The following THOC1 variants were observed in gnomAD, a reference collection of about 807,000 sequenced individuals.
THOC1 encodes THO complex 1.
THOC1 carries 29 observed loss-of-function variants against 97.3 expected under a neutral mutation model. The observed-to-expected ratio is 0.30, with a 90% CI of 0.22 to 0.41. The LOEUF is 0.41. THOC1 is among the 10% of genes least tolerant of loss of function. The pLI is 1.00. For synonymous variants in THOC1, 255 were observed against 257.0 expected (o/e 0.99, Z 0.07); for missense variants, 529 against 761.9 (o/e 0.69, Z 3.60).
chr18:238,718 T>A (rs1033801963), intron 11 of THOC1, among the ~76,000 whole-genome samples: 1 of 152,234 alleles, frequency 6.6e-6, no homozygotes, highest in Non-Finnish European at 1.5e-5. Context: ...ATGTGGTTGT[T>A]ATGTGGTGCC....
At chr18:236,933 A>G (rs1911723230) in intron 11 of THOC1, among the ~76,000 whole-genome samples, 1 of 151,696 alleles carries the variant, frequency 6.6e-6, no homozygotes, top group African/African-American at 2.4e-5. Flanking sequence ...TGTGACTGTT[A>G]GGCTTTTTTT....
chr18:247,693 T>C (rs1912141130), intron 10 of THOC1, among the ~76,000 whole-genome samples, 156 bp downstream of exon 10: 1 of 152,252 alleles, frequency 6.6e-6, no homozygotes, highest in Non-Finnish European at 1.5e-5. Flanking sequence ...ATTAGTGGTT[T>C]AAATATTAAT....
chr18:266,407 G>A (rs1233680329), intron 1 of THOC1, among the ~76,000 whole-genome samples: 1 of 152,136 alleles, frequency 6.6e-6, no homozygotes, highest in Non-Finnish European at 1.5e-5. Context: ...CATCACCTAG[G>A]AAGCTGGTAG....
chr18:252,754 T>G, intron 8 of THOC1, 142 bp from the exon 9 acceptor site: 1 of 675,224 alleles, frequency 1.5e-6, no homozygotes, highest in Non-Finnish European at 2.6e-6. Context: ...AGACCTATAG[T>G]TAATCTGTAA....
chr18:217,184 A>G (rs1910922437), intron 18 of THOC1, among the ~76,000 whole-genome samples: 1 of 152,218 alleles, frequency 6.6e-6, no homozygotes, highest in Admixed American at 6.5e-5. Flanking sequence ...AAGAATAGCA[A>G]TTTGGTTTAT....
At chr18:241,702 T>C (rs1172831529) in intron 11 of THOC1, among the ~76,000 whole-genome samples, 1 of 152,230 alleles carries the variant, frequency 6.6e-6, no homozygotes, top group Non-Finnish European at 1.5e-5. Flanking sequence ...CAAAAATATA[T>C]TCCTTTAACC....
At chr18:252,407 A>G (rs1364586482) in intron 9 of THOC1, 132 bp downstream of exon 9, 13 of 704,194 alleles carry the variant, frequency 1.8e-5, no homozygotes, top group Non-Finnish European at 2.9e-5. Context: ...AGTAATATAC[A>G]TGAAAATTAC....
At chr18:231,958 G>C (rs1177472825) in intron 11 of THOC1, among the ~76,000 whole-genome samples, 1 of 152,176 alleles carries the variant, frequency 6.6e-6, no homozygotes, top group Non-Finnish European at 1.5e-5. Context: ...AATCTTTTAA[G>C]GACCAGCCAG....
At chr18:249,984 G>C (rs1912228767) in intron 9 of THOC1, among the ~76,000 whole-genome samples, 1 of 152,014 alleles carries the variant, frequency 6.6e-6, no homozygotes, top group African/African-American at 2.4e-5. Context: ...GTCCCTTTTT[G>C]TCTCAATTGC....
chr18:231,389 TG>T (rs1273854696), intron 11 of THOC1, among the ~76,000 whole-genome samples: 3 of 152,344 alleles, frequency 2.0e-5, no homozygotes, highest in African/African-American at 7.2e-5. Flanking sequence ...ATAATATTCC[TG>T]GGTAAAATTA....
At chr18:267,003 G>A (rs181812262) in intron 1 of THOC1, among the ~76,000 whole-genome samples, 60 of 98,104 alleles carry the variant, frequency 6.1e-4, no homozygotes, top group African/African-American at 2.2e-3. Flanking sequence ...TATATTATAC[G>A]TATACGTATA....
chr18:258,696 G>A (rs966523145), intron 7 of THOC1, among the ~76,000 whole-genome samples: 1 of 152,116 alleles, frequency 6.6e-6, no homozygotes, highest in Non-Finnish European at 1.5e-5. Flanking sequence ...GAAGGCTCTG[G>A]AGGACAAGCA....
intron 11 of THOC1, among the ~76,000 whole-genome samples, chr18:232,854 A>G (rs1010205044): frequency 6.6e-6 from 1 of 152,094 alleles, no homozygotes; most frequent in African/African-American, 2.4e-5. Context: ...CTCATTCACT[A>G]TTCAGTTTTC....
At chr18:236,605 C>T (rs1009043980) in intron 11 of THOC1, among the ~76,000 whole-genome samples, 2 of 151,904 alleles carry the variant, frequency 1.3e-5, no homozygotes, top group Admixed American at 6.6e-5. Flanking sequence ...CCTCGTGATC[C>T]GCCCGCCTCG....
chr18:225,473 C>T (rs1911248403), intron 12 of THOC1, 70 bp from the exon 13 acceptor site: 2 of 1,299,462 alleles, frequency 1.5e-6, no homozygotes, highest in Admixed American at 2.0e-5. Flanking sequence ...GTTTAAAAAA[C>T]ACAAGGCATG....
At chr18:238,455 T>C (rs539065342) in intron 11 of THOC1, among the ~76,000 whole-genome samples, 4 of 152,180 alleles carry the variant, frequency 2.6e-5, no homozygotes, top group South Asian at 2.1e-4. Context: ...AATTTCCCCA[T>C]TGTGTGAATA....
chr18:264,786 G>C lies in THOC1; in HGVS notation c.189+517C>G, dbSNP rs373240660. Among the ~76,000 whole-genome samples the C allele has an allele frequency of 1.5e-4, 23 of 152,308 alleles. No homozygotes were observed. In the East Asian group the frequency reaches 2.9e-3, roughly 19 times the overall value. On this transcript the variant is annotated intron_variant, in intron 3 of 20. Transcript: ENST00000261600. Reference sequence around the variant, plus strand: ...ACCTTTGCTTGACCAAGAATAAACTGTTGAAACTTTTCCTTTCATTCAGGT... The same window carrying C: ...ACCTTTGCTTGACCAAGAATAAACTCTTGAAACTTTTCCTTTCATTCAGGT...
intron 5 of THOC1, 95 bp from the exon 6 acceptor site, chr18:259,825 A>C: frequency 1.2e-6 from 1 of 836,184 alleles, no homozygotes; most frequent in Non-Finnish European, 1.8e-6. Flanking sequence ...GAACACTAAC[A>C]TGCACTGAGA....
intron 7 of THOC1, among the ~76,000 whole-genome samples, chr18:257,060 C>T (rs1912460006): frequency 6.6e-6 from 1 of 152,146 alleles, no homozygotes; most frequent in South Asian, 2.1e-4. Context: ...GATGCTATTG[C>T]ATACTTAATA....
Sources: gnomAD v4.1 joint callset for allele counts (sites outside exome capture counted in the v4.1 genomes callset) on GRCh38, gnomAD v4.1.1 for gene constraint, MANE v1.5 for transcripts, NCBI Gene and HGNC (gene_info 2026-07-23, HGNC 2026-07-21) for gene names.